HERC1: variants seen among roughly 807,000 people sequenced by gnomAD.
HERC1 encodes HECT and RLD domain containing E3 ubiquitin protein ligase family member 1, also known as probable E3 ubiquitin-protein ligase HERC1.
A neutral mutation model predicts 554.3 loss-of-function variants in HERC1; 160 were observed. The ratio of observed to expected loss-of-function variants is 0.29; its 90% CI spans 0.25 to 0.33. The LOEUF (loss-of-function observed/expected upper bound fraction) is 0.33, where lower values mean the gene tolerates loss of function less well. Ranked by LOEUF, HERC1 falls within the 10% of genes least tolerant of loss-of-function variation. The pLI, the probability that HERC1 is intolerant of heterozygous loss-of-function variation, is 1.00. For synonymous variants in HERC1, 2,175 were observed against 2,131.7 expected (o/e 1.02, Z -0.56); for missense variants, 4,919 against 5,918.5 (o/e 0.83, Z 5.54).
chr15:63,613,314 T>G (rs1305564174), intron 76 of HERC1, among the ~76,000 whole-genome samples: 1 of 152,214 alleles, frequency 6.6e-6, no homozygotes, highest in African/African-American at 2.4e-5. Context: ...ATCATAGTGC[T>G]GGGCACAGGC....
At position 63,727,972 on chromosome 15, in the gene HERC1, T is replaced by C. The variant is rs565989930; in HGVS notation, c.3155-134A>G. 6 of 631,658 alleles carry C rather than the reference T, an allele frequency of 9.5e-6. No homozygotes were observed. The highest frequency in any genetic ancestry group is 9.1e-5 in the African/African-American group (5 of 54,658). The allele number at this position is 631,658 out of a possible 1,614,324, so 39.1% of individuals were successfully genotyped here. Reference sequence around the variant, plus strand: ...AACTCTCTGTTGAACACCTACCTGGTAGCTGATGTAGTATCAGTGTTTATT... The same window carrying C: ...AACTCTCTGTTGAACACCTACCTGGCAGCTGATGTAGTATCAGTGTTTATT... On this transcript the variant is annotated intron_variant, in intron 16 of 77. Coordinates refer to ENST00000443617, the MANE Select transcript of HERC1 (RefSeq NM_003922.4). The surrounding 1 kb of genome is among the most constrained non-coding windows in gnomAD (Gnocchi z 4.3).
At chr15:63,662,057 ATT>A (rs1274600181) in intron 44 of HERC1, 36 bp from the exon 45 acceptor site, 1 of 1,588,824 alleles carries the variant, frequency 6.3e-7, no homozygotes, top group Non-Finnish European at 8.6e-7. Context: ...TGATTAGTCA[ATT>A]TAACATAAAA....
At chr15:63,624,687 CCT>C (rs773689690) in intron 71 of HERC1, among the ~76,000 whole-genome samples, 10 of 151,232 alleles carry the variant, frequency 6.6e-5, no homozygotes, top group East Asian at 3.9e-4. Flanking sequence ...AGAGTGAGAC[CCT>C]GTCTCAATAT....
chr15:63,717,358 A>C (rs1455888333), intron 21 of HERC1, among the ~76,000 whole-genome samples: 2 of 152,216 alleles, frequency 1.3e-5, no homozygotes, highest in African/African-American at 4.8e-5. Flanking sequence ...AATGGAGAGA[A>C]AGAGTTTGGT....
rs916416318 is a variant in HERC1 at position 63,734,333 on chromosome 15, C to T, written c.2646+391G>A. Reference sequence around the variant, plus strand: ...AGATAAAAATGGAAAGAAAAGTATACTCATATTATCAAATACTTTTTCCTA... The same window carrying T: ...AGATAAAAATGGAAAGAAAAGTATATTCATATTATCAAATACTTTTTCCTA... On this transcript the variant is annotated intron_variant, in intron 13 of 77. Transcript: ENST00000443617. This position sits in a 1 kb window ranked among gnomAD's most constrained non-coding sequence, Gnocchi z 4.6. Among the ~76,000 whole-genome samples the T allele has an allele frequency of 1.3e-5, 2 of 151,958 alleles. No homozygotes were observed. The highest frequency in any genetic ancestry group is 2.4e-5 in the African/African-American group (1 of 41,352).
intron 58 of HERC1, 132 bp from the exon 59 acceptor site, chr15:63,643,190 C>A (rs2069156575): frequency 1.2e-6 from 1 of 813,756 alleles, no homozygotes; most frequent in African/African-American, 1.7e-5. Flanking sequence ...CGTCCAATCA[C>A]ATACCTACTA....
At chr15:63,805,386 C>G (rs1274211745) in intron 1 of HERC1, among the ~76,000 whole-genome samples, 1 of 152,062 alleles carries the variant, frequency 6.6e-6, no homozygotes, top group East Asian at 1.9e-4. Flanking sequence ...AAGCCAGACA[C>G]AAAGACTACA....
intron 1 of HERC1, among the ~76,000 whole-genome samples, chr15:63,794,284 C>G (rs762278446): frequency 3.9e-5 from 6 of 152,166 alleles, no homozygotes; most frequent in Non-Finnish European, 8.8e-5. Flanking sequence ...GCCCTGAATT[C>G]TTTCTTGCGT....
intron 21 of HERC1, among the ~76,000 whole-genome samples, chr15:63,717,799 G>A (rs2073627179): frequency 6.6e-6 from 1 of 152,166 alleles, no homozygotes; most frequent in Non-Finnish European, 1.5e-5. Context: ...TTGAACCTGG[G>A]TGGTGGAGGT....
chr15:63,701,097 CT>C (rs2072697515), intron 25 of HERC1, among the ~76,000 whole-genome samples: 1 of 151,554 alleles, frequency 6.6e-6, no homozygotes. Flanking sequence ...TTATAAATTA[CT>C]TTTCAAAATG....
chr15:63,763,780 T>C (rs2075685723), intron 3 of HERC1, among the ~76,000 whole-genome samples: 1 of 152,104 alleles, frequency 6.6e-6, no homozygotes, highest in African/African-American at 2.4e-5. Context: ...AGAAGGGTAT[T>C]TATTTTATAA....
At chr15:63,769,354 G>A (rs1040402175) in intron 2 of HERC1, among the ~76,000 whole-genome samples, 13 of 152,070 alleles carry the variant, frequency 8.5e-5, no homozygotes, top group African/African-American at 2.9e-4. Flanking sequence ...TGGGAGGCGG[G>A]AGCTGCAGTG....
At chr15:63,705,037 C>T (rs1353126513) in intron 25 of HERC1, among the ~76,000 whole-genome samples, 2 of 152,070 alleles carry the variant, frequency 1.3e-5, no homozygotes, top group South Asian at 2.1e-4. Flanking sequence ...GACACCCCAC[C>T]CTCTGTAATT....
At chr15:63,665,675 G>C (rs1264676550) in intron 42 of HERC1, among the ~76,000 whole-genome samples, 2 of 151,832 alleles carry the variant, frequency 1.3e-5, no homozygotes, top group Non-Finnish European at 2.9e-5. Flanking sequence ...TCCTTTTTCA[G>C]TACAATTTTA....
intron 19 of HERC1, among the ~76,000 whole-genome samples, chr15:63,721,834 T>C (rs946227354): frequency 2.0e-5 from 3 of 152,016 alleles, no homozygotes; most frequent in Non-Finnish European, 2.9e-5. Flanking sequence ...CCTTTGAAAA[T>C]ATGTACATAA....
chr15:63,800,371 C>T (rs1024434370), intron 1 of HERC1, among the ~76,000 whole-genome samples: 2 of 152,194 alleles, frequency 1.3e-5, no homozygotes, highest in African/African-American at 2.4e-5. Flanking sequence ...ATCCTTAACT[C>T]CTGGAAGGCA....
At chr15:63,647,930 A>G in intron 55 of HERC1, 139 bp downstream of exon 55, 1 of 689,408 alleles carries the variant, frequency 1.5e-6, no homozygotes, top group South Asian at 1.9e-5. Flanking sequence ...GGATTATGAG[A>G]GATTACTTGA....
chr15:63,815,101 T>C (rs192331631), intron 1 of HERC1, among the ~76,000 whole-genome samples: 37 of 152,358 alleles, frequency 2.4e-4, no homozygotes, highest in Admixed American at 1.3e-3. Context: ...CCTTGTTTTA[T>C]GGATAATGGT....
At position 63,746,104 on chromosome 15, in the gene HERC1, T is replaced by C. The variant is rs561824317; in HGVS notation, c.2520+814A>G. Among the ~76,000 whole-genome samples the C allele has an allele frequency of 5.9e-5, 9 of 152,204 alleles. No individual in the cohort carries two copies. In the South Asian group the frequency reaches 1.9e-3, roughly 32 times the overall value. On this transcript the variant is annotated intron_variant, in intron 12 of 77. Coordinates refer to ENST00000443617, the MANE Select transcript of HERC1 (RefSeq NM_003922.4). Reference sequence around the variant, plus strand: ...AGTTGACTCTTCTTTTTCTAATTTCTTAAGGTAGAAGGTTAAATTACTGAT... The same window carrying C: ...AGTTGACTCTTCTTTTTCTAATTTCCTAAGGTAGAAGGTTAAATTACTGAT...
Sources: allele counts gnomAD v4.1 joint callset (sites outside exome capture counted in the v4.1 genomes callset), GRCh38; gene constraint gnomAD v4.1.1; non-coding constraint Gnocchi (gnomAD v3.1); transcripts MANE v1.5; gene names NCBI Gene and HGNC (gene_info 2026-07-23, HGNC 2026-07-21).